Variants in GREB1L observed in about 807,000 individuals in gnomAD.
The protein encoded by GREB1L is GREB1-like protein.
In GREB1L, 17 loss-of-function variants were observed where a neutral mutation model predicts 200.8. The observed-to-expected ratio is 0.08, with a 90% CI of 0.06 to 0.13. GREB1L has a LOEUF of 0.13. GREB1L is among the 10% of genes least tolerant of loss of function. The probability of loss-of-function intolerance (pLI) is 1.00; values close to 1 mark genes in which losing one functional copy is unlikely to be tolerated. For synonymous variants in GREB1L, 789 were observed against 893.0 expected, an observed-to-expected ratio of 0.88 and a Z score of 2.08; for missense variants, 1,657 against 2,367.7, an observed-to-expected ratio of 0.70 and a Z score of 6.23.
chr18:21,524,473 T>A lies in GREB1L; in HGVS notation c.*1652T>A, dbSNP rs951622860. ...CTCCTTAATTTTAGTACAGCAGAAT[T>A]TTTGGTAAAGAGGTATGTTTTGAAG... On this transcript the variant is annotated 3_prime_UTR_variant, in exon 33 of 33. Transcript: ENST00000424526. The A allele has an allele frequency of 6.6e-6, 1 of 152,190 alleles. No individual in the cohort carries two copies. Among genetic ancestry groups the A allele is most frequent in the Non-Finnish European group, 1.5e-5 (1 of 68,030 alleles). The allele number at this position is 152,190 out of a possible 1,614,324, so 9.4% of individuals were successfully genotyped here.
intron 15 of GREB1L, among the ~76,000 whole-genome samples, chr18:21,469,138 T>C (rs994323306): frequency 6.6e-6 from 1 of 152,246 alleles, no homozygotes; most frequent in Non-Finnish European, 1.5e-5. Flanking sequence ...AATTTTTGCA[T>C]CCATTAGTGG....
chr18:21,455,676 CAAA>C (rs537490805), intron 15 of GREB1L, among the ~76,000 whole-genome samples: 1 of 113,104 alleles, frequency 8.8e-6, no homozygotes, highest in Admixed American at 9.0e-5. Context: ...GACCCTCTCC[CAAA>C]AAAAAAAAAC....
chr18:21,352,428 T>TTA (rs1212301364), intron 1 of GREB1L, among the ~76,000 whole-genome samples: 7 of 151,300 alleles, frequency 4.6e-5, no homozygotes, highest in African/African-American at 4.9e-5. Flanking sequence ...CAGTGTGCTT[T>TTA]TATATATATA....
intron 1 of GREB1L, among the ~76,000 whole-genome samples, chr18:21,256,225 CT>C: frequency 6.6e-6 from 1 of 152,224 alleles, no homozygotes; most frequent in Non-Finnish European, 1.5e-5. Flanking sequence ...GAACTCCCCT[CT>C]TGAACCAGGG....
At chr18:21,516,551 G>T in intron 29 of GREB1L, 62 bp from the exon 30 acceptor site, 1 of 1,463,276 alleles carries the variant, frequency 6.8e-7, no homozygotes, top group Non-Finnish European at 9.3e-7. Context: ...ATTTCTCTGT[G>T]TATAGTTATC....
At chr18:21,514,737 C>G (rs1211001914) in intron 28 of GREB1L, among the ~76,000 whole-genome samples, 1 of 152,196 alleles carries the variant, frequency 6.6e-6, no homozygotes, top group African/African-American at 2.4e-5. Flanking sequence ...CACACGCAGT[C>G]ATGCTTCTTA....
At chr18:21,449,969 T>A in intron 12 of GREB1L, 133 bp downstream of exon 12, 1 of 737,632 alleles carries the variant, frequency 1.4e-6, no homozygotes, top group South Asian at 2.0e-5. Flanking sequence ...GGGCTCATCC[T>A]CCTAATTTTA....
chr18:21,520,426 TTAC>T (rs1299014167), intron 31 of GREB1L, among the ~76,000 whole-genome samples: 3 of 152,226 alleles, frequency 2.0e-5, no homozygotes, highest in South Asian at 4.1e-4. Flanking sequence ...GGCTTGTTTC[TTAC>T]TACTAATTTG....
chr18:21,318,167 G>A (rs2038901943), intron 1 of GREB1L, among the ~76,000 whole-genome samples: 4 of 151,708 alleles, frequency 2.6e-5, no homozygotes, highest in Admixed American at 2.6e-4. Context: ...ATAGCCTCCT[G>A]GATTGGTGTA....
At chr18:21,449,971 C>G (rs1195797862) in intron 12 of GREB1L, 135 bp downstream of exon 12, 2 of 713,726 alleles carry the variant, frequency 2.8e-6, no homozygotes, top group Non-Finnish European at 4.5e-6. Context: ...GCTCATCCTC[C>G]TAATTTTAAC....
At chr18:21,470,584 T>C (rs2035444741) in intron 15 of GREB1L, among the ~76,000 whole-genome samples, 1 of 152,210 alleles carries the variant, frequency 6.6e-6, no homozygotes, top group African/African-American at 2.4e-5. Flanking sequence ...ATCTATCAAC[T>C]AAATTCTTAT....
intron 19 of GREB1L, among the ~76,000 whole-genome samples, chr18:21,491,574 G>T (rs1226694184): frequency 6.6e-6 from 1 of 152,002 alleles, no homozygotes. Flanking sequence ...TTAGCCAGGT[G>T]TGGTGGCGGG....
At chr18:21,430,733 A>T (rs2033080942) in intron 7 of GREB1L, among the ~76,000 whole-genome samples, 2 of 151,046 alleles carry the variant, frequency 1.3e-5, no homozygotes, top group South Asian at 4.2e-4. Flanking sequence ...AGTAGATGGG[A>T]TTACAGGCAT....
intron 17 of GREB1L, among the ~76,000 whole-genome samples, chr18:21,482,969 C>T (rs961309601): frequency 1.3e-5 from 2 of 152,104 alleles, no homozygotes; most frequent in Non-Finnish European, 2.9e-5. Flanking sequence ...AGGATGGTTC[C>T]ACTCATTTCT....
chr18:21,472,561 T>G (rs2035524606), intron 15 of GREB1L, among the ~76,000 whole-genome samples: 1 of 152,036 alleles, frequency 6.6e-6, no homozygotes, highest in Non-Finnish European at 1.5e-5. Context: ...AAGCTGACAA[T>G]CTAACGTGGT....
At position 21,520,791 on chromosome 18, in the gene GREB1L, G is replaced by A. The variant is rs1049010686; in HGVS notation, c.5576G>A (p.Gly1859Asp). 7 of 1,364,984 alleles carry A rather than the reference G, an allele frequency of 5.1e-6. No individual in the cohort carries two copies. Among genetic ancestry groups the A allele is most frequent in the Non-Finnish European group, 6.6e-6 (7 of 1,055,876 alleles). The allele number at this position is 1,364,984 out of a possible 1,614,324, so 84.6% of individuals were successfully genotyped here. A position where few individuals can be genotyped will look rare whatever the true frequency, so the allele number is the denominator to read the frequency against. Residue 1859 changes from glycine to aspartate, a missense_variant, in exon 32 of 33, where the codon GGT becomes GAT. By Grantham distance (94) the Gly-to-Asp change is moderately conservative (BLOSUM62 -1). Transcript: ENST00000424526. ...LLLYLCDSFVGADLKKFKFLK... is the reference protein window; with the variant it reads ...LLLYLCDSFVDADLKKFKFLK... ...TTGTACCTCTGTGACTCTTTTGTAG[G>A]TGCTGATCTTAAGAAATTTAAATTT...
chr18:21,403,759 C>A, intron 6 of GREB1L, 113 bp from the exon 7 acceptor site: 1 of 811,202 alleles, frequency 1.2e-6, no homozygotes, highest in Non-Finnish European at 1.9e-6. Context: ...ATTAAAGTGG[C>A]TGCCGCTTAA....
intron 1 of GREB1L, among the ~76,000 whole-genome samples, chr18:21,348,775 G>A (rs1273021721): frequency 9.3e-5 from 14 of 150,806 alleles, no homozygotes; most frequent in Admixed American, 2.6e-4. Flanking sequence ...ACTCCATCTC[G>A]AAGAAAAAAA....
chr18:21,381,034 T>A (rs913994307), intron 2 of GREB1L, among the ~76,000 whole-genome samples: 2 of 152,012 alleles, frequency 1.3e-5, no homozygotes, highest in African/African-American at 4.8e-5. Context: ...CAAGGTCAGG[T>A]GATCGAGACC....
Sources: gnomAD v4.1 joint callset for allele counts (sites outside exome capture counted in the v4.1 genomes callset) on GRCh38, gnomAD v4.1.1 for gene constraint, MANE v1.5 for transcripts, NCBI Gene and HGNC (gene_info 2026-07-23, HGNC 2026-07-21) for gene names.